INSC: variants seen among roughly 807,000 people sequenced by gnomAD.
INSC encodes the protein protein inscuteable homolog.
In INSC, 67 loss-of-function variants were observed where a neutral mutation model predicts 58.6. The ratio of observed to expected loss-of-function variants is 1.14; its 90% CI spans 0.94 to 1.40. The LOEUF (loss-of-function observed/expected upper bound fraction) is 1.40. Ranked by LOEUF, INSC falls within the 40% of genes most tolerant of loss-of-function variation. INSC has a pLI of 0.00. For missense variants in INSC, 714 were observed against 692.0 expected (o/e 1.03, Z -0.36); for synonymous variants, 262 against 276.1 (o/e 0.95, Z 0.51).
intron 9 of INSC, among the ~76,000 whole-genome samples, chr11:15,229,962 A>ATAT (rs1554926860): frequency 3.5e-5 from 1 of 28,230 alleles, no homozygotes; most frequent in Non-Finnish European, 6.1e-5. Flanking sequence ...ATATATATTT[A>ATAT]TATATATATA....
chr11:15,251,755 AGCTGGTGGGATGGTAAAATT>A (rs1278245927), downstream of INSC, among the ~76,000 whole-genome samples: 20 of 134,426 alleles, frequency 1.5e-4, no homozygotes, highest in African/African-American at 5.2e-4. Context: ...AAAATAGTAC[AGCTGGTGGGATGGTAAAATT>A]GCTGGTGGGA....
chr11:15,188,778 G>A (rs1369787792), intron 5 of INSC, among the ~76,000 whole-genome samples: 1 of 152,222 alleles, frequency 6.6e-6, no homozygotes, highest in African/African-American at 2.4e-5. Context: ...ATGCTAATTT[G>A]CTTCAAGTGC....
rs1297246221 is a variant in INSC at position 15,131,827 on chromosome 11, G to C, written c.-46+16824G>C. On this transcript the variant is annotated intron_variant, in intron 1 of 12. Coordinates refer to ENST00000379556, the MANE Select transcript of INSC (RefSeq NM_001042536.3). ...GGCCTTTAACTTTAAGCTATTTTAGGTCTTTTTGTTTTAGGGATATGTCTT... is the reference window on the plus strand; with the variant it reads ...GGCCTTTAACTTTAAGCTATTTTAGCTCTTTTTGTTTTAGGGATATGTCTT... Among the ~76,000 whole-genome samples, 3 of 151,790 alleles carry C rather than the reference G, an allele frequency of 2.0e-5. No individual in the cohort carries two copies. The East Asian group carries it at 5.8e-4, about 29-fold the overall frequency.
At chr11:15,238,745 C>T (rs1305275527) in intron 10 of INSC, among the ~76,000 whole-genome samples, 174 bp from the exon 11 acceptor site, 1 of 152,200 alleles carries the variant, frequency 6.6e-6, no homozygotes, top group East Asian at 1.9e-4. Context: ...TGGAGACACC[C>T]TCAGGAGAAG....
chr11:15,186,372 T>C (rs190815562), intron 5 of INSC, among the ~76,000 whole-genome samples: 1 of 152,342 alleles, frequency 6.6e-6, no homozygotes, highest in East Asian at 1.9e-4. Context: ...TGTGGGTCTC[T>C]TTCCTAACTT....
intron 2 of INSC, among the ~76,000 whole-genome samples, chr11:15,158,277 C>T (rs1478101960): frequency 6.6e-6 from 1 of 151,408 alleles, no homozygotes; most frequent in East Asian, 1.9e-4. Context: ...ATCTACATCC[C>T]TGATCATGGC....
chr11:15,257,255 T>C, the INSC span, among the ~76,000 whole-genome samples: 1 of 152,290 alleles, frequency 6.6e-6, no homozygotes, highest in East Asian at 1.9e-4. Flanking sequence ...TTTTGAACCT[T>C]GTATATATTT....
At chr11:15,152,484 C>T (rs2133758400) in intron 2 of INSC, among the ~76,000 whole-genome samples, 1 of 152,298 alleles carries the variant, frequency 6.6e-6, no homozygotes, top group African/African-American at 2.4e-5. Context: ...CTTTACTGAT[C>T]AGAAGTCAAC....
At chr11:15,180,986 A>G (rs1849758408) in intron 5 of INSC, among the ~76,000 whole-genome samples, 1 of 152,202 alleles carries the variant, frequency 6.6e-6, no homozygotes, top group Non-Finnish European at 1.5e-5. Context: ...TTCTTAAACT[A>G]GTGACTCAAA....
intron 7 of INSC, among the ~76,000 whole-genome samples, chr11:15,212,408 C>T (rs1057133926): frequency 2.0e-5 from 3 of 152,240 alleles, no homozygotes; most frequent in African/African-American, 7.2e-5. Context: ...GCTGGAATTA[C>T]AGGCGTGAGC....
chr11:15,126,947 C>T (rs1848011107), intron 1 of INSC, among the ~76,000 whole-genome samples: 2 of 152,184 alleles, frequency 1.3e-5, no homozygotes, highest in African/African-American at 4.8e-5. Flanking sequence ...ATTCGTGAGG[C>T]TTGGCCTGTG....
intron 8 of INSC, among the ~76,000 whole-genome samples, chr11:15,224,602 C>T (rs547519867): frequency 2.1e-4 from 32 of 152,260 alleles, no homozygotes; most frequent in Middle Eastern, 3.4e-3. Flanking sequence ...GGGCCTGGAC[C>T]GGAGAAGTAC....
At chr11:15,129,530 T>G (rs1257023900) in intron 1 of INSC, among the ~76,000 whole-genome samples, 1 of 152,234 alleles carries the variant, frequency 6.6e-6, no homozygotes, top group African/African-American at 2.4e-5. Context: ...GAATTATCTA[T>G]TAACTTATCT....
At chr11:15,225,340 A>G (rs1714337) in intron 8 of INSC, among the ~76,000 whole-genome samples, 60,991 of 152,040 alleles carry the variant, frequency 0.4, 12,589 homozygotes, top group African/African-American at 0.47. Context: ...AGCTCAACAA[A>G]GGCAAGGACC....
At chr11:15,169,897 T>C (rs1849335979) in intron 2 of INSC, among the ~76,000 whole-genome samples, 1 of 152,210 alleles carries the variant, frequency 6.6e-6, no homozygotes, top group Non-Finnish European at 1.5e-5. Context: ...GGGACCAGCA[T>C]TGGTCCATTA....
At chr11:15,151,474 G>A (rs899223761) in intron 2 of INSC, among the ~76,000 whole-genome samples, 2 of 152,172 alleles carry the variant, frequency 1.3e-5, no homozygotes, top group Non-Finnish European at 2.9e-5. Flanking sequence ...TCCCTGGGGG[G>A]TGGTCAAAGA....
intron 2 of INSC, among the ~76,000 whole-genome samples, chr11:15,164,033 A>G (rs1002523525): frequency 1.3e-5 from 2 of 151,810 alleles, no homozygotes; most frequent in Non-Finnish European, 2.9e-5. Flanking sequence ...TTCCTTCCTG[A>G]GTTGGGACAT....
rs149325131 is a variant in INSC at position 15,207,411 on chromosome 11, G to A, written c.819+6462G>A. Among the ~76,000 whole-genome samples, 440 of 152,312 alleles carry A rather than the reference G, an allele frequency of 2.9e-3. 2 individuals are homozygous for A. Among genetic ancestry groups the A allele is most frequent in the African/African-American group, 0.01 (422 of 41,568 alleles). The stretch of plus-strand genomic sequence containing the variant: ...AAATTAAAGATGAGGGGAGAGCGGG[G>A]AGGACGGCTCAATTTCAAGTCCAAG... On this transcript the variant is annotated intron_variant, in intron 7 of 12. Transcript: ENST00000379556.
chr11:15,188,785 G>A (rs1564892960), intron 5 of INSC, among the ~76,000 whole-genome samples: 1 of 152,222 alleles, frequency 6.6e-6, no homozygotes, highest in Admixed American at 6.5e-5. Context: ...TTTGCTTCAA[G>A]TGCAAACACT....
Sources: gnomAD v4.1 joint callset for allele counts (sites outside exome capture counted in the v4.1 genomes callset) on GRCh38, gnomAD v4.1.1 for gene constraint, MANE v1.5 for transcripts, NCBI Gene and HGNC (gene_info 2026-07-23, HGNC 2026-07-21) for gene names.